The following MBNL3 variants were observed in gnomAD, a reference collection of about 807,000 sequenced individuals.
The protein encoded by MBNL3 is muscleblind-like protein 3.
In MBNL3, 6 loss-of-function variants were observed where a neutral mutation model predicts 24.5. The ratio of observed to expected loss-of-function variants is 0.25; its 90% CI spans 0.13 to 0.48. The LOEUF is 0.48. MBNL3 is among the 20% of genes least tolerant of loss of function. MBNL3 has a pLI of 0.99. For missense variants in MBNL3, 230 were observed against 293.5 expected (o/e 0.78, Z 1.58); for synonymous variants, 100 against 101.7 (o/e 0.98, Z 0.10).
rs1284446857 is a variant in MBNL3, at chrX:132,369,922, A to G, written c.*9744T>C. ...CTGCACTGGCCAGAACTGCCATTGT[A>G]TACTAATTTCTGCATCCACTTTAGA... On this transcript the variant is annotated 3_prime_UTR_variant, in exon 9 of 9. Transcript: ENST00000370853. 1 of 111,972 alleles carries G rather than the reference A, an allele frequency of 8.9e-6. No individual in the cohort carries two copies. The highest frequency in any genetic ancestry group is 3.2e-5 in the African/African-American group (1 of 30,800). The allele number at this position is 111,972 out of a possible 1,213,427, so 9.2% of individuals were successfully genotyped here.
rs938927191 is a variant in MBNL3, at chrX:132,439,607, G to A, written c.5C>T (p.Thr2Met). 13 of 1,190,518 alleles carry A rather than the reference G, an allele frequency of 1.1e-5. No homozygotes were observed. The highest frequency in any genetic ancestry group is 1.5e-5 in the Non-Finnish European group (13 of 886,096). Reference protein sequence around the residue: MTAVNVALIRDT... With the variant: MMAVNVALIRDT... ...ACGAATCAGGGCAACATTGACAGCC[G>A]TCATATTGAAAGCAAAATTAAAATC... Residue 2 changes from threonine to methionine, a missense_variant, in exon 2 of 9, where the codon ACG becomes ATG. Coordinates refer to ENST00000370853, the MANE Select transcript of MBNL3 (RefSeq NM_001386889.1).
intron 3 of MBNL3, among the ~76,000 whole-genome samples, chrX:132,394,152 G>A (rs182620402): frequency 1.1e-3 from 117 of 111,373 alleles, no homozygotes; most frequent in Non-Finnish European, 1.2e-3. Flanking sequence ...GAAAGGGAAC[G>A]CCAGGTGCCA....
chrX:132,484,835 G>C (rs1339658999), intron 1 of MBNL3, among the ~76,000 whole-genome samples: 3 of 110,814 alleles, frequency 2.7e-5, no homozygotes, highest in Non-Finnish European at 5.7e-5. Context: ...AGTAAAACTT[G>C]AGAGTTGACA....
At chrX:132,473,625 C>T (rs895602883) in intron 1 of MBNL3, among the ~76,000 whole-genome samples, 1 of 110,696 alleles carries the variant, frequency 9.0e-6, no homozygotes, top group South Asian at 3.7e-4. Flanking sequence ...CACACACACA[C>T]GCACACAAAA....
At chrX:132,434,134 C>T (rs1944962927) in intron 2 of MBNL3, among the ~76,000 whole-genome samples, 1 of 112,222 alleles carries the variant, frequency 8.9e-6, no homozygotes, top group Non-Finnish European at 1.9e-5. Flanking sequence ...TTCTGGTTCA[C>T]GGCTAAGTCC....
chrX:132,389,927 T>C (rs973347410), intron 5 of MBNL3, among the ~76,000 whole-genome samples: 1 of 110,357 alleles, frequency 9.1e-6, no homozygotes, highest in Non-Finnish European at 1.9e-5. Context: ...GCACGGTAGC[T>C]CATGCCTGTA....
At position 132,424,919 on chromosome X, in the gene MBNL3, A is replaced by G. The variant is rs186375538; in HGVS notation, c.177+14516T>C. 2.1e-3 allele frequency among the ~76,000 whole-genome samples: 229 copies of G among 111,076 alleles called. 1 individual carries two copies. Among genetic ancestry groups the G allele is most frequent in the African/African-American group, 6.9e-3 (212 of 30,557 alleles). On this transcript the variant is annotated intron_variant, in intron 2 of 8. Coordinates refer to ENST00000370853, the MANE Select transcript of MBNL3 (RefSeq NM_001386889.1). Reference sequence around the variant, plus strand: ...CATATTTAAATGTTTTATCATTTCAAAGATGAAGTAAATGTCACATGCCAC... The same window carrying G: ...CATATTTAAATGTTTTATCATTTCAGAGATGAAGTAAATGTCACATGCCAC...
intron 1 of MBNL3, among the ~76,000 whole-genome samples, chrX:132,470,732 A>G (rs903426384): frequency 6.3e-5 from 7 of 111,644 alleles, no homozygotes; most frequent in African/African-American, 1.3e-4. Context: ...CTAACAGTTT[A>G]TAATTCTATA....
intron 1 of MBNL3, among the ~76,000 whole-genome samples, chrX:132,442,574 A>G (rs375880892): frequency 1.8e-5 from 2 of 112,447 alleles, no homozygotes; most frequent in East Asian, 5.6e-4. Flanking sequence ...TCTATACAAG[A>G]TCTGCTCAAA....
At chrX:132,433,064 C>T (rs748835211) in intron 2 of MBNL3, among the ~76,000 whole-genome samples, 3 of 111,480 alleles carry the variant, frequency 2.7e-5, no homozygotes, top group Admixed American at 9.5e-5. Flanking sequence ...CTTCCTAGTT[C>T]GAAGCCACAT....
At chrX:132,468,501 T>G (rs1249948599) in intron 1 of MBNL3, among the ~76,000 whole-genome samples, 1 of 112,737 alleles carries the variant, frequency 8.9e-6, no homozygotes, top group Admixed American at 9.4e-5. Context: ...TAATAAAACA[T>G]GGCATTTCAG....
rs1389991271 is a variant in MBNL3 at position 132,488,925 on chromosome X, C to G, written c.-778G>C. 8.8e-6 allele frequency: 1 copy of G among 113,835 alleles called. No homozygotes were observed. The highest frequency in any genetic ancestry group is 9.2e-5 in the Admixed American group (1 of 10,888). 9.4% of individuals were successfully genotyped at this position (113,835 alleles called of 1,213,427 possible). A position where few individuals can be genotyped will look rare whatever the true frequency, so the allele number is the denominator to read the frequency against. On this transcript the variant is annotated 5_prime_UTR_variant, in exon 1 of 9. Coordinates refer to ENST00000370853, the MANE Select transcript of MBNL3 (RefSeq NM_001386889.1). ...GCAGCAGCAGGGGCAGCGGCAGCGA[C>G]AGCGGCACATGCCATCTGTTAGCGG...
intron 1 of MBNL3, among the ~76,000 whole-genome samples, chrX:132,477,942 T>G (rs1282771421): frequency 8.9e-6 from 1 of 111,842 alleles, no homozygotes; most frequent in South Asian, 3.7e-4. Flanking sequence ...GCAGAAAAAA[T>G]AGACACCCAC....
chrX:132,404,811 T>C lies in MBNL3; in HGVS notation c.342+1417A>G, dbSNP rs138817901. Among the ~76,000 whole-genome samples the C allele has an allele frequency of 9.2e-3, 1,029 of 112,089 alleles. 8 individuals carry two copies. The highest frequency in any genetic ancestry group is 0.031 in the African/African-American group (968 of 30,855). On this transcript the variant is annotated intron_variant, in intron 3 of 8. Transcript: ENST00000370853. ...CTGACAGCTGATTGTCCTCCCCCAT[T>C]TTCATTGCATCTAAATACTATATAC...
intron 2 of MBNL3, among the ~76,000 whole-genome samples, chrX:132,433,402 T>C (rs1358986627): frequency 8.1e-5 from 9 of 111,756 alleles, no homozygotes; most frequent in Admixed American, 5.7e-4. Context: ...CTGGGAGACA[T>C]GCAAAGAGTA....
intron 1 of MBNL3, among the ~76,000 whole-genome samples, chrX:132,444,560 G>A (rs1293411021): frequency 5.4e-5 from 6 of 111,320 alleles, no homozygotes; most frequent in Non-Finnish European, 9.4e-5. Flanking sequence ...TCAATAATAG[G>A]TATGATGAAA....
rs1569424143 is a variant in MBNL3, at chrX:132,396,524, A to ATATATTCC, written c.343-4191_343-4190insGGAATATA. On this transcript the variant is annotated intron_variant, in intron 3 of 8. Coordinates refer to ENST00000370853, the MANE Select transcript of MBNL3 (RefSeq NM_001386889.1). ...CCTATATATATTCATATATATTCATATATATATTCATATATATATTCCTAT... is the reference window on the plus strand; with the variant it reads ...CCTATATATATTCATATATATTCATATATATTCCTATATATTCATATATATATTCCTAT... 2.0e-3 allele frequency among the ~76,000 whole-genome samples: 105 copies of ATATATTCC among 51,529 alleles called. 12 individuals are homozygous for ATATATTCC. The highest frequency in any genetic ancestry group is 0.013 in the African/African-American group (73 of 5,724). 44.7% of individuals were successfully genotyped at this position (51,529 alleles called of 115,157 possible).
intron 2 of MBNL3, among the ~76,000 whole-genome samples, chrX:132,413,947 G>T (rs1311251682): frequency 8.9e-6 from 1 of 111,858 alleles, no homozygotes; most frequent in Non-Finnish European, 1.9e-5. Flanking sequence ...TTTTCCTTCA[G>T]CCCTGTCTTT....
rs1419176666 is a variant in MBNL3 at position 132,373,803 on chromosome X, CG to C, written c.*5862del. The C allele has an allele frequency of 9.0e-6, 1 of 111,611 alleles. No individual in the cohort carries two copies. Among genetic ancestry groups the C allele is most frequent in the Non-Finnish European group, 1.9e-5 (1 of 53,019 alleles). 9.2% of individuals were successfully genotyped at this position (111,611 alleles called of 1,213,427 possible). A position where few individuals can be genotyped will look rare whatever the true frequency, so the allele number is the denominator to read the frequency against. Reference sequence around the variant, plus strand: ...ACATTGTCTTCCAGCTCCTGTGTTACGTAAGATTTTGGCTGGTTCTCTTCTG... The same window carrying C: ...ACATTGTCTTCCAGCTCCTGTGTTACTAAGATTTTGGCTGGTTCTCTTCTG... On this transcript the variant is annotated 3_prime_UTR_variant, in exon 9 of 9. Transcript: ENST00000370853.
Sources: gnomAD v4.1 joint callset for allele counts (sites outside exome capture counted in the v4.1 genomes callset) on GRCh38, gnomAD v4.1.1 for gene constraint, MANE v1.5 for transcripts, NCBI Gene and HGNC (gene_info 2026-07-23, HGNC 2026-07-21) for gene names.